The following SATB1 variants were observed in gnomAD, a reference collection of about 807,000 sequenced individuals.
The protein encoded by SATB1 is DNA-binding protein SATB1.
A neutral mutation model predicts 86.9 loss-of-function variants in SATB1; 11 were observed. That is an observed-to-expected ratio of 0.13 (90% CI 0.08 to 0.21). The LOEUF is 0.21. Ranked by LOEUF, SATB1 falls within the 10% of genes least tolerant of loss-of-function variation. The pLI, the probability that SATB1 is intolerant of heterozygous loss-of-function variation, is 1.00. For missense variants in SATB1, 551 were observed against 937.6 expected (o/e 0.59, Z 5.39); for synonymous variants, 357 against 357.2 (o/e 1.00, Z 0.01).
At chr3:18,403,981 A>T (rs1230188334) in intron 5 of SATB1, among the ~76,000 whole-genome samples, 1 of 152,092 alleles carries the variant, frequency 6.6e-6, no homozygotes. Context: ...CAAAGGTCAA[A>T]CTTTAACTTC....
At chr3:18,353,249 C>T (rs1478016339) in intron 9 of SATB1, among the ~76,000 whole-genome samples, 1 of 152,102 alleles carries the variant, frequency 6.6e-6, no homozygotes, top group Non-Finnish European at 1.5e-5. Flanking sequence ...AAGTCTCTGC[C>T]CCTGTTTCTG....
At chr3:18,445,486 G>A in intron 1 of SATB1, 1 of 985,380 alleles carries the variant, frequency 1.0e-6, no homozygotes, top group Non-Finnish European at 1.2e-6. Context: ...GCGCGGCGCG[G>A]TTCTCGTCGC....
intron 2 of SATB1, chr3:18,435,174 T>C (rs758618265): frequency 6.6e-6 from 1 of 152,160 alleles, no homozygotes; most frequent in Non-Finnish European, 1.5e-5. Flanking sequence ...ACCTATTCTG[T>C]TATTGTTATA....
At chr3:18,396,359 A>G (rs116286694) in intron 6 of SATB1, among the ~76,000 whole-genome samples, 2,027 of 152,302 alleles carry the variant, frequency 0.013, 41 homozygotes, top group South Asian at 0.048. Context: ...GCCCATTCCT[A>G]TATTATTTTA....
exon 2 of SATB1, chr3:18,436,830 T>C (rs1699081613): frequency 6.6e-6 from 1 of 152,212 alleles, no homozygotes; most frequent in African/African-American, 2.4e-5. Context: ...AAAGTGGGAA[T>C]ACTAGTGCGT....
chr3:18,428,272 T>C (rs1698776256), upstream of SATB1, among the ~76,000 whole-genome samples: 1 of 152,114 alleles, frequency 6.6e-6, no homozygotes, highest in African/African-American at 2.4e-5. Context: ...AGCTCAGGGC[T>C]CTCTTCCTTT....
intron 8 of SATB1, among the ~76,000 whole-genome samples, chr3:18,384,838 G>A (rs574213262): frequency 1.3e-5 from 2 of 152,212 alleles, no homozygotes; most frequent in South Asian, 4.1e-4. Flanking sequence ...AACTTTGTGT[G>A]CGTGGGCAGG....
At chr3:18,360,137 G>T (rs1405336744) in intron 9 of SATB1, among the ~76,000 whole-genome samples, 1 of 152,146 alleles carries the variant, frequency 6.6e-6, no homozygotes, top group Non-Finnish European at 1.5e-5. Context: ...CAGAGTTGAT[G>T]TGATTCCTAC....
chr3:18,444,717 C>T lies in SATB1; in HGVS notation c.-25+801G>A. Reference sequence around the variant, plus strand: ...GGACTTCCGAGGCGGCGGCTTCTGCCTCTCCTGCCGCCGCCGCCGCCGCCG... The same window carrying T: ...GGACTTCCGAGGCGGCGGCTTCTGCTTCTCCTGCCGCCGCCGCCGCCGCCG... On this transcript the variant is annotated intron_variant, in intron 1 of 3. Coordinates refer to the SATB1 transcript ENST00000415069. The surrounding 1 kb of genome is among the most constrained non-coding windows in gnomAD (Gnocchi z 5.1). 2 of 933,174 alleles carry T rather than the reference C, an allele frequency of 2.1e-6. No homozygotes were observed. Among genetic ancestry groups the T allele is most frequent in the Non-Finnish European group, 2.6e-6 (2 of 782,796 alleles). 57.8% of individuals were successfully genotyped at this position (933,174 alleles called of 1,614,324 possible). A position where few individuals can be genotyped will look rare whatever the true frequency, so the allele number is the denominator to read the frequency against.
intron 1 of SATB1, among the ~76,000 whole-genome samples, chr3:18,438,242 C>A (rs970810846): frequency 1.3e-5 from 2 of 152,192 alleles, no homozygotes; most frequent in Admixed American, 1.3e-4. Flanking sequence ...GAATCTCTAG[C>A]AATCAACTCT....
At chr3:18,427,319 G>A (rs1698741773), upstream of SATB1, among the ~76,000 whole-genome samples, 1 of 152,132 alleles carries the variant, frequency 6.6e-6, no homozygotes, top group African/African-American at 2.4e-5. Context: ...TAGGGACTGT[G>A]CACTCTAGTG....
chr3:18,429,120 T>C (rs1399151646), upstream of SATB1, among the ~76,000 whole-genome samples: 2 of 152,212 alleles, frequency 1.3e-5, no homozygotes, highest in African/African-American at 4.8e-5. The surrounding 1 kb of genome is among the most constrained non-coding windows in gnomAD (Gnocchi z 4.1). Flanking sequence ...TTTTTTGGCT[T>C]TAGCTGCAGG....
intron 7 of SATB1, among the ~76,000 whole-genome samples, chr3:18,391,344 T>C (rs1344618163): frequency 6.6e-6 from 1 of 151,906 alleles, no homozygotes; most frequent in African/African-American, 2.4e-5. Flanking sequence ...GACCCTATCA[T>C]GTAACTTTGT....
At chr3:18,410,018 A>G (rs1697752966) in intron 5 of SATB1, among the ~76,000 whole-genome samples, 1 of 152,058 alleles carries the variant, frequency 6.6e-6, no homozygotes, top group Non-Finnish European at 1.5e-5. Flanking sequence ...AAAGAATAGG[A>G]AAGAGAAGTA....
At position 18,387,446 on chromosome 3, in the gene SATB1, C is replaced by T. The variant is rs531820200; in HGVS notation, c.1207-835G>A. Among the ~76,000 whole-genome samples the T allele has an allele frequency of 2.0e-5, 3 of 152,230 alleles. No homozygotes were observed. In the South Asian group the frequency reaches 6.2e-4, roughly 32 times the overall value. ...TTAGTGATAGAAGAAATTTATAAAT[C>T]ATTAGAAAACTCTTAAGGTGTCTTT... is the stretch of plus-strand genomic sequence containing the variant. On this transcript the variant is annotated intron_variant, in intron 7 of 10. Coordinates refer to ENST00000338745, the MANE Select transcript of SATB1 (RefSeq NM_002971.6).
intron 4 of SATB1, 40 bp from the exon 5 acceptor site, chr3:18,415,274 T>C: frequency 6.2e-7 from 1 of 1,610,270 alleles, no homozygotes; most frequent in Non-Finnish European, 8.5e-7. Flanking sequence ...TATTACAAGA[T>C]TGCATCCCGC....
chr3:18,424,281 G>C lies in SATB1; in HGVS notation c.-679C>G, dbSNP rs1187084624. On this transcript the variant is annotated 5_prime_UTR_variant, in exon 1 of 11. Transcript: ENST00000338745. The stretch of plus-strand genomic sequence containing the variant: ...TTATTCTTCAATAACCCCGAATAAC[G>C]CGCATTGGGAAGGCCACCTCGCCTC... The C allele has an allele frequency of 6.6e-6, 1 of 151,810 alleles. No homozygotes were observed. Among genetic ancestry groups the C allele is most frequent in the South Asian group, 2.1e-4 (1 of 4,796 alleles). 9.4% of individuals were successfully genotyped at this position (151,810 alleles called of 1,614,324 possible).
At chr3:18,395,440 A>T (rs1696918556) in intron 6 of SATB1, among the ~76,000 whole-genome samples, 1 of 152,180 alleles carries the variant, frequency 6.6e-6, no homozygotes, top group Non-Finnish European at 1.5e-5. Context: ...CCTACTTTCA[A>T]TTTTTACCCA....
At chr3:18,420,063 T>C (rs1477686017) in intron 2 of SATB1, among the ~76,000 whole-genome samples, 1 of 152,192 alleles carries the variant, frequency 6.6e-6, no homozygotes, top group African/African-American at 2.4e-5. Context: ...GGCACATGCA[T>C]TACACCCAGG....
Sources: gnomAD v4.1 joint callset for allele counts (sites outside exome capture counted in the v4.1 genomes callset) on GRCh38, gnomAD v4.1.1 for gene constraint, Gnocchi (gnomAD v3.1) non-coding constraint, MANE v1.5 for transcripts, NCBI Gene and HGNC (gene_info 2026-07-23, HGNC 2026-07-21) for gene names.